ABCA1: variants seen among roughly 807,000 people sequenced by gnomAD.
ABCA1 encodes phospholipid-transporting ATPase ABCA1.
Under a neutral mutation model 262.5 loss-of-function variants are expected in ABCA1, and 133 were observed. The ratio of observed to expected loss-of-function variants is 0.51; its 90% CI spans 0.44 to 0.59. The LOEUF (loss-of-function observed/expected upper bound fraction) is 0.59, where lower values mean the gene tolerates loss of function less well. ABCA1 is among the 20% of genes least tolerant of loss of function. The pLI, the probability that ABCA1 is intolerant of heterozygous loss-of-function variation, is 0.00. For synonymous variants in ABCA1, 1,022 were observed against 1,043.5 expected, an observed-to-expected ratio of 0.98 and a Z score of 0.40; for missense variants, 2,452 against 2,777.5, an observed-to-expected ratio of 0.88 and a Z score of 2.63.
chr9:104,909,707 G>C (rs1161448156), intron 1 of ABCA1, among the ~76,000 whole-genome samples: 1 of 151,342 alleles, frequency 6.6e-6, no homozygotes, highest in Non-Finnish European at 1.5e-5. Context: ...TTAGCACCTG[G>C]CACGTGTTCT....
At chr9:104,841,580 C>A (rs1256594597) in intron 8 of ABCA1, among the ~76,000 whole-genome samples, 1 of 152,202 alleles carries the variant, frequency 6.6e-6, no homozygotes, top group Non-Finnish European at 1.5e-5. Context: ...CGCTGAGACA[C>A]AACTTGGCTT....
At chr9:104,887,978 T>C (rs1023424854) in intron 3 of ABCA1, among the ~76,000 whole-genome samples, 2 of 151,988 alleles carry the variant, frequency 1.3e-5, no homozygotes, top group East Asian at 3.9e-4. Flanking sequence ...CCACCCACCT[T>C]GACTTCCCAC....
chr9:104,826,008 A>G, intron 16 of ABCA1, 121 bp from the exon 17 acceptor site: 1 of 983,260 alleles, frequency 1.0e-6, no homozygotes, highest in Non-Finnish European at 1.6e-6. Context: ...CATAAGGTGC[A>G]GAAGTAGTAT....
intron 2 of ABCA1, among the ~76,000 whole-genome samples, chr9:104,889,838 C>T (rs893183757): frequency 1.3e-5 from 2 of 152,198 alleles, no homozygotes; most frequent in Admixed American, 6.5e-5. Flanking sequence ...GACCTGTGTG[C>T]ACTCAGGACT....
chr9:104,879,233 G>C (rs1838418448), intron 5 of ABCA1, among the ~76,000 whole-genome samples: 1 of 152,216 alleles, frequency 6.6e-6, no homozygotes. Context: ...AAGGCCAGGT[G>C]CTCAGAAATG....
intron 5 of ABCA1, among the ~76,000 whole-genome samples, chr9:104,882,180 G>A (rs1481430718): frequency 6.6e-6 from 1 of 152,000 alleles, no homozygotes; most frequent in African/African-American, 2.4e-5. Context: ...AACACCAAAC[G>A]GAATAAAAAG....
chr9:104,844,746 T>G (rs1834710041), intron 8 of ABCA1, among the ~76,000 whole-genome samples: 1 of 152,250 alleles, frequency 6.6e-6, no homozygotes, highest in African/African-American at 2.4e-5. Flanking sequence ...CTGTATTGTT[T>G]GTGAGCACTG....
intron 6 of ABCA1, among the ~76,000 whole-genome samples, chr9:104,859,014 A>G (rs186040534): frequency 1.3e-5 from 2 of 152,360 alleles, no homozygotes; most frequent in Non-Finnish European, 2.9e-5. Context: ...TTTGGCAAAC[A>G]GGAATCCAGA....
intron 1 of ABCA1, among the ~76,000 whole-genome samples, chr9:104,916,900 A>T (rs1484709540): frequency 6.6e-6 from 1 of 152,162 alleles, no homozygotes; most frequent in Admixed American, 6.5e-5. Flanking sequence ...TGAGTCTAAG[A>T]AAACTGTTTG....
chr9:104,893,655 T>C (rs192677709), intron 2 of ABCA1, among the ~76,000 whole-genome samples: 203 of 152,086 alleles, frequency 1.3e-3, no homozygotes, highest in Non-Finnish European at 5.3e-4. Flanking sequence ...GACAACCCTG[T>C]GAGATAGGAA....
rs77663187 is a variant in ABCA1, at chr9:104,794,512, TAA to T, written c.5383-4_5383-3del. ...GATATCATTGATATTATTCAGCTTC[TAA>T]AAAAAAAAAAAAAAAATGGGAGGGA... On this transcript the variant is annotated splice_polypyrimidine_tract_variant and splice_region_variant and intron_variant, in intron 39 of 49. Coordinates refer to ENST00000374736, the MANE Select transcript of ABCA1 (RefSeq NM_005502.4). 4.7e-3 allele frequency: 6,031 copies of T among 1,284,332 alleles called. No individual in the cohort carries two copies. Among genetic ancestry groups the T allele is most frequent in the Middle Eastern group, 0.019 (94 of 4,834 alleles). The allele number at this position is 1,284,332 out of a possible 1,614,324, so 79.6% of individuals were successfully genotyped here.
chr9:104,855,732 G>A (rs1588417174), intron 7 of ABCA1: 2 of 1,545,822 alleles, frequency 1.3e-6, no homozygotes, highest in Non-Finnish European at 1.7e-6. Context: ...CGACATCAAT[G>A]CTGGTAAAAT....
rs747900658 is a variant in ABCA1 at position 104,829,004 on chromosome 9, A to G, written c.2027T>C (p.Leu676Pro). ...RLKETMRIMG[L>P]DNSILWFSWF... ...GCTAAACCAGAGGATGCTGTTGTCC[A>G]GGCCCATGATCCGCATGGTCTCTTT... The change falls in exon 15 of 50, where the codon CTG (leucine) becomes CCG (proline). Residue 676 changes from leucine to proline, a missense_variant. Coordinates refer to ENST00000374736, the MANE Select transcript of ABCA1 (RefSeq NM_005502.4). 1.2e-6 allele frequency: 2 copies of G among 1,614,218 alleles called. No individual in the cohort carries two copies. The highest frequency in any genetic ancestry group is 1.7e-5 in the Admixed American group (1 of 60,018).
At chr9:104,803,956 G>A (rs761851678) in intron 32 of ABCA1, among the ~76,000 whole-genome samples, 1 of 152,130 alleles carries the variant, frequency 6.6e-6, no homozygotes, top group Non-Finnish European at 1.5e-5. Flanking sequence ...ATGACATATG[G>A]AGAAATTATG....
chr9:104,914,769 C>T (rs1841738961), intron 1 of ABCA1, among the ~76,000 whole-genome samples: 2 of 152,134 alleles, frequency 1.3e-5, no homozygotes, highest in African/African-American at 2.4e-5. Flanking sequence ...ACAAACCAGT[C>T]AAGAAATGTC....
rs765824702 is a variant in ABCA1, at chr9:104,926,235, A to G, written c.-93+1700T>C. The stretch of plus-strand genomic sequence containing the variant: ...TCTTGAAGTGTCAATGAAAAGTCGG[A>G]TTTTAAAAGCTAATGGTATCAGTGC... On this transcript the variant is annotated intron_variant, in intron 1 of 49. Transcript: ENST00000374736. Among the ~76,000 whole-genome samples, 83 of 152,252 alleles carry G rather than the reference A, an allele frequency of 5.5e-4. 1 individual carries two copies. Among genetic ancestry groups the G allele is most frequent in the Middle Eastern group, 3.4e-3 (1 of 294 alleles).
Position 104,810,886 on chromosome 9 carries a change from C to G in ABCA1, c.4089G>C (p.Val1363=). 4 of 1,614,194 alleles carry G rather than the reference C, an allele frequency of 2.5e-6. No individual in the cohort carries two copies. The highest frequency in any genetic ancestry group is 3.4e-6 in the Non-Finnish European group (4 of 1,180,040). ...CAAAGGGTGGCACGATCAGGCTGAA[C>G]ACAAGGGCAATGCAGACAAACACAG... The part of the protein sequence containing the change: ...LPAVFVCIAL[V]FSLIVPPFGK... Residue 1363 remains valine (V), a synonymous_variant, in exon 29 of 50, where the codon GTG becomes GTC. Transcript: ENST00000374736.
Position 104,903,877 on chromosome 9 carries a change from A to T in ABCA1, c.-92-106T>A. 8.1e-6 allele frequency: 5 copies of T among 621,062 alleles called. No individual in the cohort carries two copies. In the Admixed American group the frequency reaches 1.0e-4, roughly 13 times the overall value. The allele number at this position is 621,062 out of a possible 1,614,324, so 38.5% of individuals were successfully genotyped here. On this transcript the variant is annotated intron_variant, in intron 1 of 49. Transcript: ENST00000374736. ...CTCTCAGCTGAGACCTCCAACACAC[A>T]GCTCTGCATCATGACTGCTTCTCAA...
chr9:104,831,618 T>C lies in ABCA1; in HGVS notation c.1715+4A>G. ...CCAGGCTGGTGTGATGGGATTCCAC[T>C]TACCCATCCTTGATTTTATTTGTCC... is the stretch of plus-strand genomic sequence containing the variant. On this transcript the variant is annotated splice_donor_region_variant and intron_variant, in intron 13 of 49. Coordinates refer to ENST00000374736, the MANE Select transcript of ABCA1 (RefSeq NM_005502.4). 1 of 1,611,384 alleles carries C rather than the reference T, an allele frequency of 6.2e-7. No homozygotes were observed. Among genetic ancestry groups the C allele is most frequent in the African/African-American group, 1.3e-5 (1 of 75,004 alleles).
Sources: gnomAD v4.1 joint callset for allele counts (sites outside exome capture counted in the v4.1 genomes callset) on GRCh38, gnomAD v4.1.1 for gene constraint, MANE v1.5 for transcripts, NCBI Gene and HGNC (gene_info 2026-07-23, HGNC 2026-07-21) for gene names.